The following TMTC1 variants were observed in gnomAD, a reference collection of about 807,000 sequenced individuals.
TMTC1 encodes the protein protein O-mannosyl-transferase TMTC1.
Under a neutral mutation model 104.8 loss-of-function variants are expected in TMTC1, and 73 were observed. That is an observed-to-expected ratio of 0.70 (90% confidence interval 0.58 to 0.85). The LOEUF (loss-of-function observed/expected upper bound fraction) is 0.85, where lower values mean the gene tolerates loss of function less well. Among genes scored for constraint, TMTC1 ranks in the 40% least tolerant of loss-of-function variants. The probability of loss-of-function intolerance (pLI) is 0.00; values close to 1 mark genes in which losing one functional copy is unlikely to be tolerated. For synonymous variants in TMTC1, 434 were observed against 428.7 expected (o/e 1.01, Z -0.15); for missense variants, 1,035 against 1,096.1 (o/e 0.94, Z 0.79).
intron 5 of TMTC1, among the ~76,000 whole-genome samples, chr12:29,698,048 G>T (rs1941476455): frequency 6.6e-6 from 1 of 152,148 alleles, no homozygotes; most frequent in African/African-American, 2.4e-5. Flanking sequence ...ATCAGGAGGT[G>T]CTGGAAGAGG....
chr12:29,531,243 T>C (rs1163957877), intron 11 of TMTC1, among the ~76,000 whole-genome samples: 2 of 152,174 alleles, frequency 1.3e-5, no homozygotes, highest in African/African-American at 4.8e-5. Context: ...TTCGTCCAAG[T>C]TGACTTAGCC....
At chr12:29,649,165 C>G (rs1274454480) in intron 5 of TMTC1, among the ~76,000 whole-genome samples, 1 of 152,146 alleles carries the variant, frequency 6.6e-6, no homozygotes, top group African/African-American at 2.4e-5. Context: ...TTATTGTTGT[C>G]CATCAGTTTT....
rs1424005665 is a variant in TMTC1 at position 29,503,900 on chromosome 12, A to G, written c.*2946T>C. 1 of 152,444 alleles carries G rather than the reference A, an allele frequency of 6.6e-6. No homozygotes were observed. The highest frequency in any genetic ancestry group is 1.5e-5 in the Non-Finnish European group (1 of 68,296). 9.4% of individuals were successfully genotyped at this position (152,444 alleles called of 1,614,324 possible). On this transcript the variant is annotated 3_prime_UTR_variant, in exon 18 of 18. Transcript: ENST00000539277. ...GGAGTTTGAGACCAGCCTGGGCAACATGGTGAAACCCTGTCTCTACAAAAA... is the reference window on the plus strand; with the variant it reads ...GGAGTTTGAGACCAGCCTGGGCAACGTGGTGAAACCCTGTCTCTACAAAAA...
chr12:29,570,356 T>C (rs778800664), intron 9 of TMTC1, among the ~76,000 whole-genome samples: 9 of 152,190 alleles, frequency 5.9e-5, no homozygotes, highest in Non-Finnish European at 1.3e-4. Flanking sequence ...GAGATAAGCA[T>C]TATGAACATT....
At chr12:29,651,414 A>G (rs1381760737) in intron 5 of TMTC1, among the ~76,000 whole-genome samples, 2 of 152,228 alleles carry the variant, frequency 1.3e-5, no homozygotes, top group Non-Finnish European at 2.9e-5. Flanking sequence ...AAATGCTGAA[A>G]CTGAGTGATA....
At chr12:29,621,505 T>A (rs188303340) in intron 6 of TMTC1, among the ~76,000 whole-genome samples, 6 of 152,238 alleles carry the variant, frequency 3.9e-5, no homozygotes, top group African/African-American at 1.4e-4. Flanking sequence ...CCTTGTTCTT[T>A]TTTTAAAAAA....
chr12:29,783,386 C>G lies in TMTC1; in HGVS notation c.302+64G>C. 1 of 1,253,976 alleles carries G rather than the reference C, an allele frequency of 8.0e-7. No individual in the cohort carries two copies. The highest frequency in any genetic ancestry group is 2.8e-5 in the South Asian group (1 of 35,462). 77.7% of individuals were successfully genotyped at this position (1,253,976 alleles called of 1,614,324 possible). ...CCCAAGTCAGTCCCGCAACTTCTCC[C>G]GGTCCGAGGGACGGGCGGAGGGTAG... is the stretch of plus-strand genomic sequence containing the variant. On this transcript the variant is annotated intron_variant, in intron 1 of 17. Coordinates refer to ENST00000539277, the MANE Select transcript of TMTC1 (RefSeq NM_001193451.2). The surrounding 1 kb of genome is among the most constrained non-coding windows in gnomAD (Gnocchi z 4.7).
chr12:29,617,508 G>A (rs1396290705), intron 6 of TMTC1, among the ~76,000 whole-genome samples: 1 of 148,026 alleles, frequency 6.8e-6, no homozygotes, highest in Non-Finnish European at 1.5e-5. Flanking sequence ...TAGGCTCTTG[G>A]GAAAACATCA....
In TMTC1 at chr12:29,536,683, A is replaced by G. The variant is rs35666547; in HGVS notation, c.1677-366T>C. The stretch of plus-strand genomic sequence containing the variant: ...AATTGGGTGGCATGAGAGCCAATTT[A>G]CAATGATGTGAAGATATTTGGGTCC... On this transcript the variant is annotated intron_variant, in intron 10 of 17. Coordinates refer to ENST00000539277, the MANE Select transcript of TMTC1 (RefSeq NM_001193451.2). Among the ~76,000 whole-genome samples the G allele has an allele frequency of 9.6e-3, 1,456 of 152,336 alleles. 17 individuals are homozygous for G. The highest frequency in any genetic ancestry group is 0.038 in the South Asian group (183 of 4,830).
intron 5 of TMTC1, among the ~76,000 whole-genome samples, chr12:29,703,809 T>C (rs4930868): frequency 0.091 from 13,854 of 152,290 alleles, 822 homozygotes; most frequent in Middle Eastern, 0.17. Flanking sequence ...CCTTTTATAT[T>C]TCCTGCCACT....
chr12:29,569,100 T>G (rs915356161), intron 9 of TMTC1: 1 of 425,188 alleles, frequency 2.4e-6, no homozygotes, highest in African/African-American at 2.0e-5. Flanking sequence ...ATTTGAATCT[T>G]AAACTGAATA....
chr12:29,745,309 G>A lies in TMTC1; in HGVS notation c.938+6357C>T, dbSNP rs147630023. Among the ~76,000 whole-genome samples the A allele has an allele frequency of 3.7e-4, 57 of 152,092 alleles. 1 individual carries two copies. The East Asian group carries it at 7.3e-3, about 20-fold the overall frequency. ...AAGGGCACAGGGTCTTAGCAAAAAC[G>A]ATGGTCAATTCACTACATTAAAAAG... On this transcript the variant is annotated intron_variant, in intron 5 of 17. Transcript: ENST00000539277.
At chr12:29,579,987 C>T (rs941615646) in intron 8 of TMTC1, among the ~76,000 whole-genome samples, 1 of 152,166 alleles carries the variant, frequency 6.6e-6, no homozygotes, top group Non-Finnish European at 1.5e-5. Context: ...CCTGTCCACA[C>T]CTCTGATAAT....
intron 13 of TMTC1, 23 bp downstream of exon 13, chr12:29,518,448 TA>T: frequency 1.2e-6 from 2 of 1,606,768 alleles, no homozygotes; most frequent in Non-Finnish European, 8.5e-7. Context: ...GGGCAACTTA[TA>T]AAGAAAAGAA....
chr12:29,782,744 T>TCA (rs1943862858), intron 1 of TMTC1: 2 of 152,238 alleles, frequency 1.3e-5, no homozygotes, highest in Middle Eastern at 3.4e-3. Context: ...GACTCCGAGG[T>TCA]TGTAAAAGAA....
intron 9 of TMTC1, among the ~76,000 whole-genome samples, chr12:29,559,424 A>G (rs2136268959): frequency 6.6e-6 from 1 of 152,370 alleles, no homozygotes; most frequent in Non-Finnish European, 1.5e-5. Context: ...CACTGACTAC[A>G]GAAATGGCTT....
intron 5 of TMTC1, among the ~76,000 whole-genome samples, chr12:29,724,112 GA>G (rs1250917426): frequency 2.0e-5 from 3 of 151,996 alleles, no homozygotes; most frequent in Non-Finnish European, 4.4e-5. Flanking sequence ...CGCTTCGCAG[GA>G]AAAAAATCCC....
intron 10 of TMTC1, among the ~76,000 whole-genome samples, chr12:29,551,174 G>T (rs955171611): frequency 6.6e-6 from 1 of 152,122 alleles, no homozygotes; most frequent in African/African-American, 2.4e-5. Context: ...TAATGTGGTA[G>T]TAAGGGTGTT....
chr12:29,649,093 C>A (rs1939402403), intron 5 of TMTC1, among the ~76,000 whole-genome samples: 1 of 152,118 alleles, frequency 6.6e-6, no homozygotes, highest in South Asian at 2.1e-4. Flanking sequence ...CCAACCCCAC[C>A]ACTCTCCCCT....
Sources: gnomAD v4.1 joint callset for allele counts (sites outside exome capture counted in the v4.1 genomes callset) on GRCh38, gnomAD v4.1.1 for gene constraint, Gnocchi (gnomAD v3.1) non-coding constraint, MANE v1.5 for transcripts, NCBI Gene and HGNC (gene_info 2026-07-23, HGNC 2026-07-21) for gene names.